WRN: variants seen among roughly 807,000 people sequenced by gnomAD.
The protein encoded by WRN is WRN RecQ like helicase.
WRN carries 149 observed loss-of-function variants against 180.7 expected under a neutral mutation model. That is an observed-to-expected ratio of 0.82 (90% confidence interval 0.72 to 0.94). WRN has a LOEUF of 0.94. Among genes scored for constraint, WRN ranks in the 40% least tolerant of loss-of-function variants. The probability of loss-of-function intolerance (pLI) is 0.00; values close to 1 mark genes in which losing one functional copy is unlikely to be tolerated. For missense variants in WRN, 1,661 were observed against 1,700.1 expected (o/e 0.98, Z 0.40); for synonymous variants, 548 against 568.9 (o/e 0.96, Z 0.52).
intron 18 of WRN, among the ~76,000 whole-genome samples, chr8:31,106,377 A>G (rs1318556331): frequency 6.6e-6 from 1 of 151,858 alleles, no homozygotes; most frequent in Non-Finnish European, 1.5e-5. Context: ...GTAGCATGCC[A>G]TTTCATTCTA....
At chr8:31,057,835 G>T (rs1812333302) in intron 1 of WRN, among the ~76,000 whole-genome samples, 1 of 151,760 alleles carries the variant, frequency 6.6e-6, no homozygotes, top group Non-Finnish European at 1.5e-5. Flanking sequence ...TTACATTGAG[G>T]AGTGCCCTCA....
At chr8:31,167,514 G>A (rs1803948430) in intron 34 of WRN, among the ~76,000 whole-genome samples, 1 of 151,984 alleles carries the variant, frequency 6.6e-6, no homozygotes, top group Non-Finnish European at 1.5e-5. Context: ...ATCTTTCGGA[G>A]GTATAGTTAA....
At chr8:31,091,717 T>C in intron 15 of WRN, 113 bp from the exon 16 acceptor site, 2 of 1,103,576 alleles carry the variant, frequency 1.8e-6, no homozygotes, top group Non-Finnish European at 2.6e-6. Flanking sequence ...AAAAGAAAAT[T>C]GCAAAGAACA....
chr8:31,164,501 C>G (rs920848917), intron 33 of WRN, among the ~76,000 whole-genome samples: 1 of 152,116 alleles, frequency 6.6e-6, no homozygotes, highest in Non-Finnish European at 1.5e-5. Flanking sequence ...GAAAACATAG[C>G]TATTAATTTC....
At chr8:31,086,694 C>T (rs1424297283) in intron 11 of WRN, among the ~76,000 whole-genome samples, 2 of 151,984 alleles carry the variant, frequency 1.3e-5, no homozygotes, top group Admixed American at 6.6e-5. Context: ...CTTTGATACT[C>T]GGTTAACAGT....
intron 31 of WRN, 53 bp from the exon 32 acceptor site, chr8:31,154,571 C>T (rs2130469438): frequency 6.5e-7 from 1 of 1,539,784 alleles, no homozygotes; most frequent in Non-Finnish European, 8.8e-7. Flanking sequence ...TACATATATT[C>T]TATTATTGTA....
chr8:31,100,783 G>A lies in WRN; in HGVS notation c.1982-66G>A, dbSNP rs878910731. The A allele has an allele frequency of 1.3e-5, 17 of 1,304,006 alleles. No homozygotes were observed. The East Asian group carries it at 3.7e-4, about 29-fold the overall frequency. The allele number at this position is 1,304,006 out of a possible 1,614,324, so 80.8% of individuals were successfully genotyped here. On this transcript the variant is annotated intron_variant, in intron 17 of 34. Coordinates refer to ENST00000298139, the MANE Select transcript of WRN (RefSeq NM_000553.6). ...TGGTTATTTATTCTCCTTTGGAGAT[G>A]TAGATGAGTTTATTTTTTCCTTTCG... is the stretch of plus-strand genomic sequence containing the variant.
chr8:31,086,603 T>C (rs1202463445), intron 11 of WRN, among the ~76,000 whole-genome samples: 1 of 151,134 alleles, frequency 6.6e-6, no homozygotes, highest in South Asian at 2.1e-4. Context: ...AAAAAAAAAG[T>C]AGATTGTGAA....
chr8:31,157,400 C>T lies in WRN; in HGVS notation c.3852C>T (p.Leu1284=), dbSNP rs2130480293. The change falls in exon 33 of 35, where the codon CTC becomes CTT. Residue 1284 remains leucine, a synonymous_variant. Coordinates refer to ENST00000298139, the MANE Select transcript of WRN (RefSeq NM_000553.6). ...TAGCTGAGAGCAGGATTCTGCCTCT[C>T]ATGACAATTGGCATGCACTTATCCC... ...KSIAESRILP[L]MTIGMHLSQA... 6.2e-7 allele frequency: 1 copy of T among 1,614,078 alleles called. No homozygotes were observed. Among genetic ancestry groups the T allele is most frequent in the Non-Finnish European group, 8.5e-7 (1 of 1,180,012 alleles).
intron 26 of WRN, among the ~76,000 whole-genome samples, chr8:31,142,075 T>C (rs1034013302): frequency 2.0e-5 from 3 of 152,062 alleles, no homozygotes; most frequent in East Asian, 1.9e-4. Flanking sequence ...CCTGAGTAGA[T>C]GGGACTACAG....
intron 17 of WRN, among the ~76,000 whole-genome samples, chr8:31,100,149 C>G (rs1316795100): frequency 6.6e-6 from 1 of 152,156 alleles, no homozygotes; most frequent in African/African-American, 2.4e-5. Flanking sequence ...AATCTGAAAA[C>G]ATTGTCACGG....
chr8:31,134,560 A>T (rs1802325368), intron 24 of WRN, among the ~76,000 whole-genome samples: 1 of 152,244 alleles, frequency 6.6e-6, no homozygotes, highest in Non-Finnish European at 1.5e-5. Flanking sequence ...ATCTTTAAAC[A>T]TTCTGTATAA....
chr8:31,104,013 C>T (rs1487702052), intron 18 of WRN, among the ~76,000 whole-genome samples: 2 of 152,184 alleles, frequency 1.3e-5, no homozygotes, highest in Non-Finnish European at 2.9e-5. Flanking sequence ...GGATTACAGG[C>T]GTGAGCCACT....
intron 23 of WRN, among the ~76,000 whole-genome samples, chr8:31,126,074 A>G (rs1209712147): frequency 1.3e-5 from 2 of 151,846 alleles, no homozygotes; most frequent in East Asian, 1.9e-4. Context: ...GACTTCCAGC[A>G]TCTCTCAATA....
intron 33 of WRN, among the ~76,000 whole-genome samples, chr8:31,162,405 C>T (rs2130499589): frequency 6.6e-6 from 1 of 152,266 alleles, no homozygotes; most frequent in Non-Finnish European, 1.5e-5. Context: ...TCTTGTCCCA[C>T]CAGGTCTTCA....
At chr8:31,036,610 G>A (rs1161933121) in intron 1 of WRN, among the ~76,000 whole-genome samples, 1 of 152,108 alleles carries the variant, frequency 6.6e-6, no homozygotes, top group Non-Finnish European at 1.5e-5. Context: ...TTATTGATGA[G>A]CAATGTTTCA....
intron 3 of WRN, among the ~76,000 whole-genome samples, chr8:31,061,095 GT>G (rs1164526485): frequency 6.6e-6 from 1 of 152,118 alleles, no homozygotes; most frequent in Non-Finnish European, 1.5e-5. Flanking sequence ...GTACACACAA[GT>G]TTGATTGCTT....
intron 1 of WRN, among the ~76,000 whole-genome samples, chr8:31,046,394 A>T (rs1334394648): frequency 6.6e-6 from 1 of 152,110 alleles, no homozygotes; most frequent in African/African-American, 2.4e-5. Flanking sequence ...CTTTCCTTTG[A>T]TAAAATGCTT....
chr8:31,158,548 AG>A (rs1803480670), intron 33 of WRN, among the ~76,000 whole-genome samples: 1 of 152,162 alleles, frequency 6.6e-6, no homozygotes, highest in African/African-American at 2.4e-5. Flanking sequence ...CCATACCAAT[AG>A]CCTCATCTCC....
Sources: gnomAD v4.1 joint callset for allele counts (sites outside exome capture counted in the v4.1 genomes callset) on GRCh38, gnomAD v4.1.1 for gene constraint, MANE v1.5 for transcripts, NCBI Gene and HGNC (gene_info 2026-07-23, HGNC 2026-07-21) for gene names.